The following ZFP30 variants were observed in gnomAD, a reference collection of about 807,000 sequenced individuals.
ZFP30 encodes ZFP30 zinc finger protein.
A neutral mutation model predicts 12.3 loss-of-function variants in ZFP30; 16 were observed. That is an observed-to-expected ratio of 1.30 (90% CI 0.88 to 1.98). The LOEUF (loss-of-function observed/expected upper bound fraction) is 1.98, where lower values mean the gene tolerates loss of function less well. ZFP30 is among the 30% of genes most tolerant of loss of function. The pLI, the probability that ZFP30 is intolerant of heterozygous loss-of-function variation, is 0.00. For missense variants in ZFP30, 560 were observed against 611.2 expected (o/e 0.92, Z 0.88); for synonymous variants, 172 against 201.0 (o/e 0.86, Z 1.22).
At position 37,635,913 on chromosome 19, in the gene ZFP30, A is replaced by G; in HGVS notation, c.628T>C (p.Ser210Pro). Reference protein sequence around the residue: ...HLSRHQRIHTSDKLYECKKCG... With the variant: ...HLSRHQRIHTPDKLYECKKCG... ...TTTTTACATTCATAGAGTTTGTCAG[A>G]AGTATGAATTCTCTGATGTCGACTG... Residue 210 changes from serine to proline, a missense_variant, in exon 6 of 6, where the codon TCT (serine) becomes CCT (proline). Transcript: ENST00000684514. The G allele has an allele frequency of 6.2e-7, 1 of 1,613,852 alleles. No individual in the cohort carries two copies. Among genetic ancestry groups the G allele is most frequent in the Non-Finnish European group, 8.5e-7 (1 of 1,179,954 alleles).
chr19:37,631,739 C>T lies in ZFP30; in HGVS notation c.*3242G>A, dbSNP rs964733161. 2.7e-5 allele frequency: 4 copies of T among 149,364 alleles called. No individual in the cohort carries two copies. The highest frequency in any genetic ancestry group is 3.5e-3 in the Middle Eastern group (1 of 282). The allele number at this position is 149,364 out of a possible 1,614,324, so 9.3% of individuals were successfully genotyped here. On this transcript the variant is annotated 3_prime_UTR_variant, in exon 6 of 6. Transcript: ENST00000684514. ...AATTGAGATGATACTGGGCCAGAAT[C>T]GTATCTCTTTTACTATCATTATGAT...
intron 4 of ZFP30, 115 bp from the exon 5 acceptor site, chr19:37,643,478 AAACAAG>A (rs1312392031): frequency 3.0e-6 from 2 of 655,966 alleles, no homozygotes; most frequent in Non-Finnish European, 4.3e-6. Context: ...TCACAAGGAA[AAACAAG>A]AACACAGAAG....
rs563038998 is a variant in ZFP30, at chr19:37,649,860, T to G, written c.-77-1961A>C. Among the ~76,000 whole-genome samples the G allele has an allele frequency of 2.8e-4, 42 of 149,658 alleles. No individual in the cohort carries two copies. The East Asian group carries it at 3.0e-3, about 11-fold the overall frequency. Reference sequence around the variant, plus strand: ...AAAGAAAAGAAAAAAAAAAGAAAAATAAACACCCATTAAAAATGAAGATAA... The same window carrying G: ...AAAGAAAAGAAAAAAAAAAGAAAAAGAAACACCCATTAAAAATGAAGATAA... On this transcript the variant is annotated intron_variant, in intron 2 of 5. Transcript: ENST00000684514.
At chr19:37,647,024 A>G (rs2044555943) in intron 3 of ZFP30, among the ~76,000 whole-genome samples, 2 of 152,226 alleles carry the variant, frequency 1.3e-5, no homozygotes, top group African/African-American at 4.8e-5. Context: ...TGTGACTACT[A>G]AAGTATTTAA....
chr19:37,640,536 C>T (rs1250572583), intron 5 of ZFP30, among the ~76,000 whole-genome samples: 1 of 151,160 alleles, frequency 6.6e-6, no homozygotes, highest in Non-Finnish European at 1.5e-5. Flanking sequence ...ATTAGTCCAT[C>T]TTAGATCAAA....
chr19:37,639,758 T>C (rs553854311), intron 5 of ZFP30, among the ~76,000 whole-genome samples: 30 of 151,190 alleles, frequency 2.0e-4, no homozygotes, highest in Non-Finnish European at 4.3e-4. Context: ...CAAATTAGAA[T>C]AGGTTGTAAA....
chr19:37,652,394 C>G (rs979874758), intron 2 of ZFP30, among the ~76,000 whole-genome samples: 1 of 152,016 alleles, frequency 6.6e-6, no homozygotes, highest in Non-Finnish European at 1.5e-5. Context: ...TAGTGAAACC[C>G]TGTCCCTACT....
rs1232778021 is a variant in ZFP30, at chr19:37,635,745, C to T, written c.796G>A (p.Gly266Ser). 2 of 1,614,022 alleles carry T rather than the reference C, an allele frequency of 1.2e-6. No homozygotes were observed. The highest frequency in any genetic ancestry group is 1.7e-6 in the Non-Finnish European group (2 of 1,180,000). Residue 266 changes from glycine to serine, a missense_variant, in exon 6 of 6, where the codon GGT becomes AGT. Transcript: ENST00000684514. ...QLNLHQRIHT[G>S]EKPYECKECG... ...TCTTTACATTCATAGGGTTTCTCAC[C>T]CGTGTGAATCCTTTGATGGAGATTA... is the stretch of plus-strand genomic sequence containing the variant.
At chr19:37,650,862 C>T (rs2044636060) in intron 2 of ZFP30, among the ~76,000 whole-genome samples, 1 of 151,956 alleles carries the variant, frequency 6.6e-6, no homozygotes, top group Admixed American at 6.6e-5. Context: ...CCCAGCCTCC[C>T]GAGTAGCTGG....
At chr19:37,638,595 T>TG (rs1260227070) in intron 5 of ZFP30, among the ~76,000 whole-genome samples, 1 of 152,222 alleles carries the variant, frequency 6.6e-6, no homozygotes, top group East Asian at 1.9e-4. Flanking sequence ...TGTTCATCAA[T>TG]GGAAGAACAG....
upstream of ZFP30, chr19:37,655,638 C>G (rs2044744353): frequency 6.6e-6 from 1 of 152,430 alleles, no homozygotes; most frequent in Non-Finnish European, 1.5e-5. Flanking sequence ...AGGCCTCTAC[C>G]TGTAATGGCC....
intron 1 of ZFP30, 33 bp downstream of exon 1, chr19:37,655,387 A>G (rs1317139229): frequency 6.6e-6 from 1 of 152,650 alleles, no homozygotes; most frequent in Non-Finnish European, 1.5e-5. Flanking sequence ...AGCAGCGGCC[A>G]CAGTGGCGCC....
chr19:37,653,680 A>G (rs926286959), intron 2 of ZFP30, among the ~76,000 whole-genome samples: 5 of 152,228 alleles, frequency 3.3e-5, no homozygotes. Flanking sequence ...GAAAGTCATT[A>G]CCAGTTATTT....
Position 37,635,681 on chromosome 19 carries a change from C to G in ZFP30, c.860G>C (p.Arg287Pro). The G allele has an allele frequency of 6.2e-7, 1 of 1,613,092 alleles. No homozygotes were observed. ...CTCAGCAATGTTCAGTCTCTGATGT[C>G]GAGTAAGGTGTGCATACTGCCTAAA... is the stretch of plus-strand genomic sequence containing the variant. The part of the protein sequence containing the change: ...KAFRQYAHLT[R>P]HQRLNIAEKC... Residue 287 changes from arginine to proline, a missense_variant, in exon 6 of 6, where the codon CGA becomes CCA. Coordinates refer to ENST00000684514, the MANE Select transcript of ZFP30 (RefSeq NM_001320669.3).
upstream of ZFP30, chr19:37,655,937 T>G (rs888618024): frequency 3.9e-5 from 6 of 152,176 alleles, no homozygotes; most frequent in African/African-American, 1.5e-4. Flanking sequence ...GTCGGGAGGT[T>G]TGGAGGAGGG....
intron 4 of ZFP30, 129 bp from the exon 5 acceptor site, chr19:37,643,492 A>T: frequency 1.9e-6 from 1 of 529,704 alleles, no homozygotes; most frequent in Non-Finnish European, 2.8e-6. Flanking sequence ...AAGAACACAG[A>T]AGTAGGGACC....
intron 5 of ZFP30, among the ~76,000 whole-genome samples, chr19:37,640,027 T>C (rs188802384): frequency 1.8e-4 from 27 of 152,340 alleles, no homozygotes; most frequent in African/African-American, 6.5e-4. Context: ...TATTAATGTT[T>C]AAAGACAATT....
At chr19:37,645,781 T>C (rs905135031) in intron 3 of ZFP30, among the ~76,000 whole-genome samples, 1 of 152,022 alleles carries the variant, frequency 6.6e-6, no homozygotes, top group Non-Finnish European at 1.5e-5. Flanking sequence ...TAATTGATGG[T>C]ATTCTCCCCA....
chr19:37,635,651 C>T lies in ZFP30; in HGVS notation c.890G>A (p.Cys297Tyr), dbSNP rs1236251095. ...RHQRLNIAEK[C>Y]YECKECGQAF... Reference sequence around the variant, plus strand: ...CTGACCACATTCCTTACACTCATAGCACTTCTCAGCAATGTTCAGTCTCTG... The same window carrying T: ...CTGACCACATTCCTTACACTCATAGTACTTCTCAGCAATGTTCAGTCTCTG... The change falls in exon 6 of 6, where the codon TGC becomes TAC. Residue 297 changes from cysteine (C) to tyrosine (Y), a missense_variant. Coordinates refer to ENST00000684514, the MANE Select transcript of ZFP30 (RefSeq NM_001320669.3). 2 of 1,614,010 alleles carry T rather than the reference C, an allele frequency of 1.2e-6. No homozygotes were observed. Among genetic ancestry groups the T allele is most frequent in the South Asian group, 1.1e-5 (1 of 91,052 alleles).
Sources: gnomAD v4.1 joint callset for allele counts (sites outside exome capture counted in the v4.1 genomes callset) on GRCh38, gnomAD v4.1.1 for gene constraint, MANE v1.5 for transcripts, NCBI Gene and HGNC (gene_info 2026-07-23, HGNC 2026-07-21) for gene names.